Variants in NALF1 observed in about 807,000 individuals in gnomAD.
NALF1 encodes family with sequence similarity 155 member A.
A neutral mutation model predicts 48.4 loss-of-function variants in NALF1; 3 were observed. That is an observed-to-expected ratio of 0.06 (90% CI 0.03 to 0.16). NALF1 has a LOEUF of 0.16. NALF1 is among the 10% of genes least tolerant of loss of function. The pLI is 1.00. For missense variants in NALF1, 526 were observed against 571.5 expected (o/e 0.92, Z 0.81); for synonymous variants, 262 against 245.7 (o/e 1.07, Z -0.62).
At chr13:107,697,058 A>G (rs1881717069) in intron 1 of NALF1, among the ~76,000 whole-genome samples, 1 of 152,192 alleles carries the variant, frequency 6.6e-6, no homozygotes, top group Non-Finnish European at 1.5e-5. Context: ...AGGCATAAAA[A>G]AAACAAAGAA....
intron 1 of NALF1, among the ~76,000 whole-genome samples, chr13:107,828,043 T>C (rs1879572925): frequency 6.6e-6 from 1 of 152,220 alleles, no homozygotes; most frequent in Admixed American, 6.5e-5. Flanking sequence ...TGTGCCAATG[T>C]ATACTCACAG....
At chr13:107,750,258 G>T (rs1876899512) in intron 1 of NALF1, among the ~76,000 whole-genome samples, 1 of 152,068 alleles carries the variant, frequency 6.6e-6, no homozygotes, top group African/African-American at 2.4e-5. Flanking sequence ...CTCCACACAG[G>T]GCATCGTCCC....
At chr13:107,679,583 G>A (rs889205388) in intron 1 of NALF1, among the ~76,000 whole-genome samples, 4 of 152,136 alleles carry the variant, frequency 2.6e-5, no homozygotes, top group African/African-American at 9.7e-5. Flanking sequence ...CCTGATGGAG[G>A]GCATGCACCT....
intron 1 of NALF1, among the ~76,000 whole-genome samples, chr13:107,301,101 T>C (rs1263783454): frequency 1.3e-5 from 2 of 152,226 alleles, no homozygotes; most frequent in Non-Finnish European, 2.9e-5. Context: ...TTGTAAATTA[T>C]GTTTTTCATT....
chr13:107,564,769 G>A (rs780164054), intron 1 of NALF1, among the ~76,000 whole-genome samples: 2 of 151,944 alleles, frequency 1.3e-5, no homozygotes, highest in East Asian at 3.9e-4. Flanking sequence ...GGTGGCAATA[G>A]GACAGGGCTT....
At chr13:107,747,193 C>T (rs1467716007) in intron 1 of NALF1, among the ~76,000 whole-genome samples, 1 of 152,186 alleles carries the variant, frequency 6.6e-6, no homozygotes, top group Non-Finnish European at 1.5e-5. Context: ...TAATTTCCAT[C>T]TTGAGCCCTG....
At position 107,339,466 on chromosome 13, in the gene NALF1, T is replaced by C. The variant is rs146128219; in HGVS notation, c.916-128711A>G. Among the ~76,000 whole-genome samples the C allele has an allele frequency of 1.1e-3, 173 of 152,136 alleles. 2 individuals carry two copies. Among genetic ancestry groups the C allele is most frequent in the African/African-American group, 4.0e-3 (167 of 41,494 alleles). ...CACCTCTGATTTTGTTGGTCTGAGA[T>C]AGGGGCCTGCAAATTTGCATTTGAA... is the stretch of plus-strand genomic sequence containing the variant. On this transcript the variant is annotated intron_variant, in intron 1 of 2. Coordinates refer to ENST00000375915, the MANE Select transcript of NALF1 (RefSeq NM_001080396.3).
intron 1 of NALF1, among the ~76,000 whole-genome samples, chr13:107,820,332 A>G (rs1384331263): frequency 1.3e-5 from 2 of 152,190 alleles, no homozygotes; most frequent in Admixed American, 1.3e-4. Flanking sequence ...GTTGCTAACC[A>G]TATATTTTCA....
At chr13:107,360,419 C>G (rs537018002) in intron 1 of NALF1, among the ~76,000 whole-genome samples, 3 of 152,276 alleles carry the variant, frequency 2.0e-5, no homozygotes, top group African/African-American at 7.2e-5. Context: ...AATGAAACAT[C>G]TCACCCTTTC....
intron 1 of NALF1, among the ~76,000 whole-genome samples, chr13:107,679,719 C>T (rs932110664): frequency 2.0e-5 from 3 of 152,124 alleles, no homozygotes; most frequent in Non-Finnish European, 4.4e-5. Flanking sequence ...CCTGGCCTTC[C>T]CTGGTGCCTC....
At chr13:107,815,201 C>T (rs115484873) in intron 1 of NALF1, among the ~76,000 whole-genome samples, 4,603 of 151,784 alleles carry the variant, frequency 0.03, 238 homozygotes, top group African/African-American at 0.11. Context: ...AGGGCACTAT[C>T]AATAAATCTA....
chr13:107,571,471 T>C (rs1344219671), intron 1 of NALF1, among the ~76,000 whole-genome samples: 2 of 152,154 alleles, frequency 1.3e-5, no homozygotes, highest in African/African-American at 4.8e-5. Context: ...GGTGTACACA[T>C]GGAGGACCTG....
intron 1 of NALF1, among the ~76,000 whole-genome samples, chr13:107,303,135 T>C (rs993001605): frequency 3.3e-5 from 5 of 152,216 alleles, no homozygotes; most frequent in Non-Finnish European, 5.9e-5. Context: ...ACTTCCCTAA[T>C]GTCTGATCGT....
chr13:107,769,739 G>A (rs555347491), intron 1 of NALF1, among the ~76,000 whole-genome samples: 9 of 150,826 alleles, frequency 6.0e-5, no homozygotes, highest in South Asian at 2.1e-4. Context: ...CTAAAAAAAC[G>A]GTTCCATTAA....
intron 1 of NALF1, among the ~76,000 whole-genome samples, chr13:107,267,425 A>G (rs1881064531): frequency 6.6e-6 from 1 of 152,022 alleles, no homozygotes; most frequent in Non-Finnish European, 1.5e-5. Flanking sequence ...CATGACCATA[A>G]AAAAAAACAA....
intron 1 of NALF1, among the ~76,000 whole-genome samples, chr13:107,620,929 G>A (rs951047844): frequency 2.0e-5 from 3 of 152,174 alleles, no homozygotes; most frequent in African/African-American, 7.2e-5. Flanking sequence ...TTTATTTGAA[G>A]AGAAATGTTA....
chr13:107,400,084 T>A (rs149375521), intron 1 of NALF1, among the ~76,000 whole-genome samples: 1 of 152,248 alleles, frequency 6.6e-6, no homozygotes, highest in African/African-American at 2.4e-5. Context: ...ACTTTATACC[T>A]CAACTTCAGA....
chr13:107,795,443 T>C (rs537195299), intron 1 of NALF1, among the ~76,000 whole-genome samples: 26 of 152,176 alleles, frequency 1.7e-4, no homozygotes, highest in Admixed American at 5.9e-4. Context: ...AATCAGTCCA[T>C]CCCTCTCTAG....
chr13:107,708,924 T>C (rs1305107115), intron 1 of NALF1, among the ~76,000 whole-genome samples: 1 of 152,190 alleles, frequency 6.6e-6, no homozygotes, highest in African/African-American at 2.4e-5. Flanking sequence ...AAAGTGTGTT[T>C]ATCAATAACT....
Sources: gnomAD v4.1 joint callset for allele counts (sites outside exome capture counted in the v4.1 genomes callset) on GRCh38, gnomAD v4.1.1 for gene constraint, MANE v1.5 for transcripts, NCBI Gene and HGNC (gene_info 2026-07-23, HGNC 2026-07-21) for gene names.